The following ANKRD44 variants were observed in gnomAD, a reference collection of about 807,000 sequenced individuals.
ANKRD44 encodes serine/threonine-protein phosphatase 6 regulatory ankyrin repeat subunit B.
A neutral mutation model predicts 116.0 loss-of-function variants in ANKRD44; 35 were observed. The observed-to-expected ratio is 0.30, with a 90% CI of 0.23 to 0.40. ANKRD44 has a LOEUF of 0.40. Ranked by LOEUF, ANKRD44 falls within the 10% of genes least tolerant of loss-of-function variation. The probability of loss-of-function intolerance (pLI) is 1.00; values close to 1 mark genes in which losing one functional copy is unlikely to be tolerated. For synonymous variants in ANKRD44, 435 were observed against 461.8 expected, an observed-to-expected ratio of 0.94 and a Z score of 0.74; for missense variants, 1,014 against 1,242.6, an observed-to-expected ratio of 0.82 and a Z score of 2.77.
At chr2:197,150,028 ATTT>A (rs2079602637) in intron 2 of ANKRD44, among the ~76,000 whole-genome samples, 1 of 152,186 alleles carries the variant, frequency 6.6e-6, no homozygotes, top group South Asian at 2.1e-4. Flanking sequence ...AAGTGCTTTT[ATTT>A]TTATTTTTTC....
chr2:197,248,887 AC>A (rs1310995069), intron 1 of ANKRD44, among the ~76,000 whole-genome samples: 1 of 152,084 alleles, frequency 6.6e-6, no homozygotes, highest in African/African-American at 2.4e-5. Context: ...TTTAGGGAGA[AC>A]TAATAGTTTT....
intron 10 of ANKRD44, among the ~76,000 whole-genome samples, chr2:197,096,338 A>G (rs890612470): frequency 6.6e-6 from 1 of 152,228 alleles, no homozygotes; most frequent in Non-Finnish European, 1.5e-5. Context: ...TTCATAAACT[A>G]TAATACCCCT....
At chr2:197,033,841 T>A (rs1192679822) in intron 16 of ANKRD44, among the ~76,000 whole-genome samples, 2 of 152,184 alleles carry the variant, frequency 1.3e-5, no homozygotes, top group Admixed American at 6.5e-5. Context: ...CCTTTAGTGA[T>A]TCTTCTTTGT....
chr2:197,152,541 G>A (rs73991217), intron 2 of ANKRD44, among the ~76,000 whole-genome samples: 1 of 152,188 alleles, frequency 6.6e-6, no homozygotes, highest in Non-Finnish European at 1.5e-5. Context: ...CAGCCAGCAG[G>A]GGTCTGAGCT....
chr2:197,234,194 ATT>A (rs11436827), intron 1 of ANKRD44, among the ~76,000 whole-genome samples: 19 of 144,344 alleles, frequency 1.3e-4, no homozygotes, highest in Admixed American at 4.1e-4. Context: ...TAAGTCATAG[ATT>A]TTTTTTTTTT....
chr2:196,981,297 T>C (rs373105206), intron 21 of ANKRD44, among the ~76,000 whole-genome samples: 8 of 152,318 alleles, frequency 5.3e-5, no homozygotes, highest in African/African-American at 1.9e-4. Flanking sequence ...CATAACCCTC[T>C]CTCCCTTTGG....
chr2:197,046,021 A>G lies in ANKRD44; in HGVS notation c.1651-20754T>C, dbSNP rs901810289. Among the ~76,000 whole-genome samples the G allele has an allele frequency of 2.0e-5, 3 of 152,240 alleles. No individual in the cohort carries two copies. The East Asian group carries it at 5.8e-4, about 29-fold the overall frequency. On this transcript the variant is annotated intron_variant, in intron 16 of 27. Transcript: ENST00000282272. Reference sequence around the variant, plus strand: ...TATAACATCCTAGAAACATACGTAAATCATGATGCATGCATTATTTTTGTG... The same window carrying G: ...TATAACATCCTAGAAACATACGTAAGTCATGATGCATGCATTATTTTTGTG...
chr2:197,174,417 A>G (rs1050936609), intron 2 of ANKRD44, among the ~76,000 whole-genome samples: 3 of 152,256 alleles, frequency 2.0e-5, no homozygotes, highest in Non-Finnish European at 4.4e-5. Context: ...ATCCACATAG[A>G]TGAATCTGGA....
intron 8 of ANKRD44, among the ~76,000 whole-genome samples, chr2:197,118,087 C>G (rs1036031584): frequency 1.3e-5 from 2 of 151,814 alleles, no homozygotes; most frequent in African/African-American, 4.8e-5. Flanking sequence ...GTGGCGTACA[C>G]CTGTAATCCC....
chr2:197,106,869 G>C (rs1038003216), intron 9 of ANKRD44, among the ~76,000 whole-genome samples: 7 of 142,482 alleles, frequency 4.9e-5, no homozygotes, highest in Non-Finnish European at 1.1e-4. Flanking sequence ...CTCTCTATTT[G>C]TTATCTGAAA....
intron 16 of ANKRD44, among the ~76,000 whole-genome samples, chr2:197,026,273 C>T (rs2076593334): frequency 6.6e-6 from 1 of 152,120 alleles, no homozygotes; most frequent in Non-Finnish European, 1.5e-5. Flanking sequence ...CAGAGGTGGA[C>T]CTACTATAAA....
intron 1 of ANKRD44, among the ~76,000 whole-genome samples, chr2:197,193,233 TC>T (rs1167801044): frequency 2.0e-5 from 3 of 152,182 alleles, no homozygotes; most frequent in African/African-American, 7.2e-5. Context: ...TGTTGCTCCT[TC>T]CTTTCCTGAG....
intron 1 of ANKRD44, among the ~76,000 whole-genome samples, chr2:197,276,689 T>G (rs991338442): frequency 6.6e-6 from 1 of 152,206 alleles, no homozygotes; most frequent in Admixed American, 6.5e-5. Flanking sequence ...TATTTTTAAA[T>G]ATTGTGTGTG....
intron 1 of ANKRD44, among the ~76,000 whole-genome samples, chr2:197,187,911 A>G (rs952539835): frequency 2.0e-5 from 3 of 151,968 alleles, no homozygotes; most frequent in East Asian, 1.9e-4. Flanking sequence ...ACAGTTCCCT[A>G]TGATTCCTCT....
In ANKRD44 at chr2:197,223,698, A is replaced by C. The variant is rs553394999; in HGVS notation, c.28-36592T>G. Among the ~76,000 whole-genome samples, 96 of 152,328 alleles carry C rather than the reference A, an allele frequency of 6.3e-4. 2 individuals are homozygous for C. The highest frequency in any genetic ancestry group is 2.2e-3 in the African/African-American group (92 of 41,580). The stretch of plus-strand genomic sequence containing the variant: ...CAACCTAGAATTGTGGGGTGTGCAC[A>C]GCTTCAACCTATCTCCAAATAACTG... On this transcript the variant is annotated intron_variant, in intron 1 of 27. Transcript: ENST00000282272.
intron 1 of ANKRD44, among the ~76,000 whole-genome samples, chr2:197,301,696 G>A (rs977503913): frequency 2.6e-5 from 4 of 152,142 alleles, no homozygotes; most frequent in African/African-American, 9.7e-5. Context: ...TACATATACA[G>A]ATACATATAC....
Position 197,001,854 on chromosome 2 carries a change from A to T in ANKRD44, c.2348-14T>A. On this transcript the variant is annotated splice_polypyrimidine_tract_variant and intron_variant, in intron 21 of 27. Coordinates refer to ENST00000282272, the MANE Select transcript of ANKRD44 (RefSeq NM_001195144.2). ...AGTTTTCATTACCTGCAAGAAATAA[A>T]AATAATTTAGGGAGTTTCCAAGAAA... 3 of 1,596,338 alleles carry T rather than the reference A, an allele frequency of 1.9e-6. No individual in the cohort carries two copies. The highest frequency in any genetic ancestry group is 2.6e-6 in the Non-Finnish European group (3 of 1,168,224).
At chr2:197,031,960 G>C (rs2076715572) in intron 16 of ANKRD44, among the ~76,000 whole-genome samples, 1 of 152,094 alleles carries the variant, frequency 6.6e-6, no homozygotes, top group African/African-American at 2.4e-5. Flanking sequence ...TCTTTGCTTT[G>C]TTTTGCAACA....
chr2:197,111,361 G>T (rs528531810), intron 8 of ANKRD44, among the ~76,000 whole-genome samples: 1 of 152,158 alleles, frequency 6.6e-6, no homozygotes, highest in South Asian at 2.1e-4. Context: ...ACTGACCTGA[G>T]GCCGGTCGTG....
Sources: gnomAD v4.1 joint callset for allele counts (sites outside exome capture counted in the v4.1 genomes callset) on GRCh38, gnomAD v4.1.1 for gene constraint, MANE v1.5 for transcripts, NCBI Gene and HGNC (gene_info 2026-07-23, HGNC 2026-07-21) for gene names.